The following NFATC1 variants were observed in gnomAD, a reference collection of about 807,000 sequenced individuals.
NFATC1 encodes the protein nuclear factor of activated T cells 1.
Under a neutral mutation model 76.0 loss-of-function variants are expected in NFATC1, and 22 were observed. The observed-to-expected ratio is 0.29, with a 90% confidence interval of 0.21 to 0.41. The LOEUF (loss-of-function observed/expected upper bound fraction) is 0.41, where lower values mean the gene tolerates loss of function less well. Ranked by LOEUF, NFATC1 falls within the 10% of genes least tolerant of loss-of-function variation. NFATC1 has a pLI of 1.00. For missense variants in NFATC1, 1,357 were observed against 1,337.7 expected, an observed-to-expected ratio of 1.01 and a Z score of -0.23; for synonymous variants, 704 against 613.1, an observed-to-expected ratio of 1.15 and a Z score of -2.19.
intron 8 of NFATC1, among the ~76,000 whole-genome samples, chr18:79,474,006 TCA>T (rs1491536063): frequency 1.1e-4 from 15 of 132,142 alleles, no homozygotes; most frequent in African/African-American, 3.2e-4. Flanking sequence ...GTTTTCACAC[TCA>T]CTGTCGACGT....
chr18:79,527,716 T>A lies in NFATC1; in HGVS notation c.*139T>A. 1.3e-6 allele frequency: 1 copy of A among 746,740 alleles called. No individual in the cohort carries two copies. Among genetic ancestry groups the A allele is most frequent in the Non-Finnish European group, 2.3e-6 (1 of 441,818 alleles). The allele number at this position is 746,740 out of a possible 1,614,324, so 46.3% of individuals were successfully genotyped here. A position where few individuals can be genotyped will look rare whatever the true frequency, so the allele number is the denominator to read the frequency against. ...GAATGCCAGGAGCTGAACATTAATA[T>A]GTGCAAAGATTGGCTCTCCAACAAG... is the stretch of plus-strand genomic sequence containing the variant. On this transcript the variant is annotated 3_prime_UTR_variant, in exon 10 of 10. Coordinates refer to ENST00000427363, the MANE Select transcript of NFATC1 (RefSeq NM_001278669.2).
chr18:79,479,800 C>T (rs568573554), intron 8 of NFATC1, among the ~76,000 whole-genome samples: 228 of 152,330 alleles, frequency 1.5e-3, no homozygotes, highest in African/African-American at 5.1e-3. Flanking sequence ...CTGTGCTTCG[C>T]GGCAGTGCCC....
chr18:79,406,950 G>C (rs776483225), intron 1 of NFATC1, among the ~76,000 whole-genome samples: 2 of 152,156 alleles, frequency 1.3e-5, no homozygotes, highest in African/African-American at 4.8e-5. Context: ...GGCACAGGGC[G>C]ACCTGCCTGT....
At chr18:79,453,661 G>A (rs1325487848) in intron 6 of NFATC1, among the ~76,000 whole-genome samples, 1 of 152,222 alleles carries the variant, frequency 6.6e-6, no homozygotes, top group African/African-American at 2.4e-5. Context: ...CTGACCCTCT[G>A]CCAGCACCAG....
intron 9 of NFATC1, among the ~76,000 whole-genome samples, chr18:79,491,837 G>C (rs987412709): frequency 6.6e-6 from 1 of 151,292 alleles, no homozygotes; most frequent in South Asian, 2.2e-4. Context: ...ACTCAGCCCC[G>C]GCCCCTGGGC....
At chr18:79,396,896 G>A (rs1194031851) in intron 1 of NFATC1, among the ~76,000 whole-genome samples, 1 of 151,966 alleles carries the variant, frequency 6.6e-6, no homozygotes, top group Non-Finnish European at 1.5e-5. Context: ...TGGACCTGCA[G>A]GACCAAAAGA....
intron 7 of NFATC1, among the ~76,000 whole-genome samples, chr18:79,466,093 G>A (rs1568996449): frequency 6.6e-6 from 1 of 152,190 alleles, no homozygotes; most frequent in Non-Finnish European, 1.5e-5. Context: ...GGGGAGCAGG[G>A]GTGCGGGGAG....
At chr18:79,461,646 C>A (rs575556027) in intron 7 of NFATC1, among the ~76,000 whole-genome samples, 1 of 152,196 alleles carries the variant, frequency 6.6e-6, no homozygotes, top group Non-Finnish European at 1.5e-5. Context: ...ACCTCACACA[C>A]CCTGGCGCTG....
chr18:79,510,821 CCGGGGCA>C (rs1221933507), intron 9 of NFATC1, among the ~76,000 whole-genome samples: 7 of 13,528 alleles, frequency 5.2e-4, no homozygotes, highest in Non-Finnish European at 1.8e-3. Flanking sequence ...GGCTCCTCTG[CCGGGGCA>C]TCCTCTGCCG....
Position 79,425,271 on chromosome 18 carries a change from C to CTCTGTTTCTCTCTG in NFATC1, c.1227-8305_1227-8304insGTTTCTCTCTGTCT, listed in dbSNP as rs1555903020. On this transcript the variant is annotated intron_variant, in intron 2 of 9. Coordinates refer to ENST00000427363, the MANE Select transcript of NFATC1 (RefSeq NM_001278669.2). ...TCTGTTTCTCTCCCTGTCTCTGTCTCTCTCTCTGTCTGTCTTTCTTTCTTA... is the reference window on the plus strand; with the variant it reads ...TCTGTTTCTCTCCCTGTCTCTGTCTCTCTGTTTCTCTCTGTCTCTCTGTCTGTCTTTCTTTCTTA... 3.6e-5 allele frequency among the ~76,000 whole-genome samples: 4 copies of CTCTGTTTCTCTCTG among 111,612 alleles called. 1 individual carries two copies. Among genetic ancestry groups the CTCTGTTTCTCTCTG allele is most frequent in the African/African-American group, 9.0e-5 (3 of 33,184 alleles). 73.2% of individuals were successfully genotyped at this position (111,612 alleles called of 152,430 possible). A position where few individuals can be genotyped will look rare whatever the true frequency, so the allele number is the denominator to read the frequency against.
intron 8 of NFATC1, among the ~76,000 whole-genome samples, chr18:79,476,023 T>TG (rs2089053417): frequency 6.7e-6 from 1 of 150,232 alleles, no homozygotes; most frequent in Non-Finnish European, 1.5e-5. Flanking sequence ...AGAAGGGGGG[T>TG]GGGGCCGGGA....
intron 3 of NFATC1, among the ~76,000 whole-genome samples, chr18:79,439,581 C>G (rs550371611): frequency 1.3e-5 from 2 of 152,198 alleles, no homozygotes; most frequent in Non-Finnish European, 2.9e-5. Flanking sequence ...GACTGCTAAG[C>G]GCATAAACGC....
chr18:79,470,127 C>A (rs1266392088), intron 8 of NFATC1: 6 of 420,162 alleles, frequency 1.4e-5, no homozygotes, highest in African/African-American at 1.1e-4. Context: ...CCGTGCTGTG[C>A]ATCTGTGTCT....
intron 1 of NFATC1, chr18:79,400,256 G>GGGGGAC (rs1555896592): frequency 1.1e-5 from 13 of 1,196,488 alleles, no homozygotes; most frequent in African/African-American, 8.1e-5. Flanking sequence ...GAAACGCCCC[G>GGGGGAC]GGGGGCGGGG....
chr18:79,399,092 A>G (rs1015051248), intron 1 of NFATC1, among the ~76,000 whole-genome samples: 6 of 152,268 alleles, frequency 3.9e-5, no homozygotes, highest in African/African-American at 1.4e-4. Flanking sequence ...TGTACAATGG[A>G]AAGAGAATGA....
At chr18:79,427,397 GGGA>G (rs2086384895) in intron 2 of NFATC1, among the ~76,000 whole-genome samples, 3 of 127,812 alleles carry the variant, frequency 2.3e-5, no homozygotes, top group Admixed American at 7.3e-5. Flanking sequence ...GTGGGTTGGG[GGGA>G]GCTGGATGGC....
chr18:79,492,368 G>A (rs1253658179), intron 9 of NFATC1, among the ~76,000 whole-genome samples: 1 of 152,148 alleles, frequency 6.6e-6, no homozygotes, highest in Non-Finnish European at 1.5e-5. Context: ...TTCAAGACCA[G>A]CCTGGTCAAC....
chr18:79,449,663 T>C (rs2087375007), intron 4 of NFATC1, among the ~76,000 whole-genome samples: 1 of 152,110 alleles, frequency 6.6e-6, no homozygotes, highest in African/African-American at 2.4e-5. Context: ...ACCAGCAGGA[T>C]GGAGCCAGGC....
Position 79,474,959 on chromosome 18 carries a change from GCTCA to G in NFATC1, c.2092+7380_2092+7383del, listed in dbSNP as rs1249662780. On this transcript the variant is annotated intron_variant, in intron 8 of 9. Transcript: ENST00000427363. Reference sequence around the variant, plus strand: ...AAACCTGAGGGAAGCGTGTTCTCACGCTCACTGTCGACGTAAACCTGAGGGAAGC... The same window carrying G: ...AAACCTGAGGGAAGCGTGTTCTCACGCTGTCGACGTAAACCTGAGGGAAGC... Among the ~76,000 whole-genome samples, 3 of 106,968 alleles carry G rather than the reference GCTCA, an allele frequency of 2.8e-5. 1 individual carries two copies. The highest frequency in any genetic ancestry group is 9.8e-5 in the African/African-American group (2 of 20,458). 70.2% of individuals were successfully genotyped at this position (106,968 alleles called of 152,430 possible).
Sources: gnomAD v4.1 joint callset for allele counts (sites outside exome capture counted in the v4.1 genomes callset) on GRCh38, gnomAD v4.1.1 for gene constraint, MANE v1.5 for transcripts, NCBI Gene and HGNC (gene_info 2026-07-23, HGNC 2026-07-21) for gene names.